Variants in TCERG1L observed in about 807,000 individuals in gnomAD.
TCERG1L encodes transcription elongation regulator 1-like protein.
A neutral mutation model predicts 56.3 loss-of-function variants in TCERG1L; 37 were observed. That is an observed-to-expected ratio of 0.66 (90% CI 0.51 to 0.87). The LOEUF is 0.87. Ranked by LOEUF, TCERG1L falls within the 40% of genes least tolerant of loss-of-function variation. The probability of loss-of-function intolerance (pLI) is 0.00; values close to 1 mark genes in which losing one functional copy is unlikely to be tolerated. For synonymous variants in TCERG1L, 324 were observed against 326.3 expected (o/e 0.99, Z 0.08); for missense variants, 799 against 774.2 (o/e 1.03, Z -0.38).
intron 5 of TCERG1L, among the ~76,000 whole-genome samples, chr10:131,163,773 C>G (rs773727074): frequency 4.6e-5 from 7 of 152,194 alleles, no homozygotes; most frequent in South Asian, 2.1e-4. Flanking sequence ...TGGGGCTGTT[C>G]CGCATCCTGG....
chr10:131,224,097 C>T (rs1173242394), intron 4 of TCERG1L, among the ~76,000 whole-genome samples: 2 of 152,110 alleles, frequency 1.3e-5, no homozygotes, highest in Non-Finnish European at 2.9e-5. Flanking sequence ...ATTCTGGAAC[C>T]CTTCCTGTCT....
chr10:131,159,888 G>C (rs1486461851), intron 6 of TCERG1L, among the ~76,000 whole-genome samples: 1 of 152,282 alleles, frequency 6.6e-6, no homozygotes, highest in Admixed American at 6.5e-5. Flanking sequence ...CAATGTCGAA[G>C]GTGCCTCCAC....
At chr10:131,098,054 A>C (rs1845267114) in intron 11 of TCERG1L, among the ~76,000 whole-genome samples, 1 of 152,188 alleles carries the variant, frequency 6.6e-6, no homozygotes, top group South Asian at 2.1e-4. Context: ...TAGGAATAAA[A>C]TGGTTGTGAT....
chr10:131,253,085 G>A (rs1846128854), intron 4 of TCERG1L, among the ~76,000 whole-genome samples: 1 of 152,214 alleles, frequency 6.6e-6, no homozygotes, highest in Admixed American at 6.5e-5. Flanking sequence ...AGCACAGTAG[G>A]CATCCAGCCT....
At chr10:131,211,352 C>G (rs754554156) in intron 4 of TCERG1L, among the ~76,000 whole-genome samples, 2 of 152,228 alleles carry the variant, frequency 1.3e-5, no homozygotes, top group Non-Finnish European at 2.9e-5. Context: ...CAGGGCTGGG[C>G]CCCTGAGCAC....
intron 4 of TCERG1L, among the ~76,000 whole-genome samples, chr10:131,186,203 G>C (rs1452816026): frequency 6.6e-6 from 1 of 152,186 alleles, no homozygotes; most frequent in African/African-American, 2.4e-5. Context: ...GGGGCTGAGG[G>C]GAGGGGAAAC....
At chr10:131,154,005 G>A (rs1845893712) in intron 6 of TCERG1L, among the ~76,000 whole-genome samples, 1 of 152,146 alleles carries the variant, frequency 6.6e-6, no homozygotes, top group Non-Finnish European at 1.5e-5. Flanking sequence ...GTTACGGTTG[G>A]CTTCCACTGG....
chr10:131,110,393 C>A (rs905408447), intron 9 of TCERG1L, among the ~76,000 whole-genome samples: 3 of 152,190 alleles, frequency 2.0e-5, no homozygotes, highest in Non-Finnish European at 4.4e-5. Flanking sequence ...GTGCTTGTGG[C>A]CCTGGTGGTC....
chr10:131,176,673 C>T (rs1327683896), intron 4 of TCERG1L, among the ~76,000 whole-genome samples: 4 of 139,036 alleles, frequency 2.9e-5, no homozygotes, highest in Admixed American at 7.7e-5. Flanking sequence ...GATACATGTA[C>T]ACACACCAAG....
intron 4 of TCERG1L, among the ~76,000 whole-genome samples, chr10:131,242,229 G>A (rs780937620): frequency 3.3e-5 from 5 of 152,322 alleles, no homozygotes; most frequent in Middle Eastern, 6.8e-3. Context: ...CGTTGCAGCC[G>A]CCAGGAGGAG....
chr10:131,288,304 C>G (rs1326307907), intron 3 of TCERG1L, among the ~76,000 whole-genome samples: 3 of 152,234 alleles, frequency 2.0e-5, no homozygotes, highest in South Asian at 4.1e-4. Flanking sequence ...GGGCACCCAA[C>G]CCGGTTTGAG....
intron 4 of TCERG1L, among the ~76,000 whole-genome samples, chr10:131,213,192 G>C (rs1845634745): frequency 1.3e-5 from 2 of 152,204 alleles, no homozygotes; most frequent in South Asian, 4.1e-4. Context: ...GGTGACCAGA[G>C]GACAAGAGTT....
Position 131,241,366 on chromosome 10 carries a change from C to T in TCERG1L, c.856+18893G>A, listed in dbSNP as rs960245182. 2.0e-4 allele frequency among the ~76,000 whole-genome samples: 31 copies of T among 152,290 alleles called. No homozygotes were observed. In the Middle Eastern group the frequency reaches 0.01, roughly 50 times the overall value. On this transcript the variant is annotated intron_variant, in intron 4 of 11. Coordinates refer to ENST00000368642, the MANE Select transcript of TCERG1L (RefSeq NM_174937.4). ...GAATAAGAGACAGGGAGGGATGACT[C>T]CTGATGCCCGGGAACCTGTGGACAG...
At chr10:131,164,606 G>C (rs1846012575) in intron 5 of TCERG1L, among the ~76,000 whole-genome samples, 1 of 152,146 alleles carries the variant, frequency 6.6e-6, no homozygotes, top group Admixed American at 6.5e-5. Context: ...TGCTCTGAGA[G>C]ATTATGTTCT....
intron 4 of TCERG1L, among the ~76,000 whole-genome samples, chr10:131,243,168 G>A (rs1270778310): frequency 2.0e-5 from 3 of 152,038 alleles, no homozygotes; most frequent in East Asian, 1.9e-4. Context: ...TCGCCAACTC[G>A]CTCCTGCCTC....
intron 6 of TCERG1L, among the ~76,000 whole-genome samples, chr10:131,151,729 C>T: frequency 6.6e-6 from 1 of 152,200 alleles, no homozygotes; most frequent in Non-Finnish European, 1.5e-5. Flanking sequence ...TCTGACCCCA[C>T]ATTTCCCTTC....
At chr10:131,240,366 T>G (rs1005763788) in intron 4 of TCERG1L, among the ~76,000 whole-genome samples, 5 of 150,722 alleles carry the variant, frequency 3.3e-5, no homozygotes, top group Non-Finnish European at 5.9e-5. Flanking sequence ...CATGCATGCA[T>G]GTATTGGGTA....
intron 4 of TCERG1L, among the ~76,000 whole-genome samples, chr10:131,194,271 G>A (rs1845333862): frequency 2.0e-5 from 3 of 152,232 alleles, no homozygotes; most frequent in East Asian, 1.9e-4. Context: ...GATGTCACTC[G>A]CTGCCCCGAG....
intron 10 of TCERG1L, among the ~76,000 whole-genome samples, chr10:131,101,119 G>GACC (rs937692920): frequency 6.6e-6 from 1 of 152,218 alleles, no homozygotes; most frequent in African/African-American, 2.4e-5. Context: ...ATTTGCAGAG[G>GACC]ACCAGCCCAG....
Sources: allele counts gnomAD v4.1 joint callset (sites outside exome capture counted in the v4.1 genomes callset), GRCh38; gene constraint gnomAD v4.1.1; transcripts MANE v1.5; gene names NCBI Gene and HGNC (gene_info 2026-07-23, HGNC 2026-07-21).